CUBN: variants seen among roughly 807,000 people sequenced by gnomAD.
The protein encoded by CUBN is 460 kDa receptor.
Under a neutral mutation model 405.3 loss-of-function variants are expected in CUBN, and 282 were observed. The observed-to-expected ratio is 0.70, with a 90% CI of 0.63 to 0.77. The LOEUF is 0.77. Ranked by LOEUF, CUBN falls within the 30% of genes least tolerant of loss-of-function variation. The probability of loss-of-function intolerance (pLI) is 0.00; values close to 1 mark genes in which losing one functional copy is unlikely to be tolerated. For missense variants in CUBN, 4,514 were observed against 4,475.2 expected, an observed-to-expected ratio of 1.01 and a Z score of -0.25; for synonymous variants, 1,684 against 1,617.0, an observed-to-expected ratio of 1.04 and a Z score of -0.99.
intron 48 of CUBN, 78 bp downstream of exon 48, chr10:16,913,732 GT>G: frequency 6.4e-7 from 1 of 1,564,020 alleles, no homozygotes; most frequent in Non-Finnish European, 8.8e-7. Context: ...TCCTGACCTA[GT>G]TTTCTGACTA....
rs192163374 is a variant in CUBN at position 17,078,451 on chromosome 10, C to A, written c.2301+5820G>T. 2.8e-4 allele frequency among the ~76,000 whole-genome samples: 43 copies of A among 152,286 alleles called. 1 individual carries two copies. Among genetic ancestry groups the A allele is most frequent in the Admixed American group, 2.5e-3 (39 of 15,302 alleles). ...TACAGATGAGAATGAGCTAGCCATA[C>A]AAAGACCCTTGAGAAGCAAACTCAG... On this transcript the variant is annotated intron_variant, in intron 17 of 66. Coordinates refer to ENST00000377833, the MANE Select transcript of CUBN (RefSeq NM_001081.4).
chr10:17,029,586 T>C (rs1009408724), intron 27 of CUBN, among the ~76,000 whole-genome samples: 4 of 152,248 alleles, frequency 2.6e-5, no homozygotes, highest in Admixed American at 6.5e-5. Flanking sequence ...TCCCAGCTTT[T>C]ATGCATGTTT....
chr10:17,085,114 T>C (rs1421082603), intron 16 of CUBN, among the ~76,000 whole-genome samples: 1 of 152,244 alleles, frequency 6.6e-6, no homozygotes, highest in Non-Finnish European at 1.5e-5. Context: ...TTGTTGTTTG[T>C]TTGTTTTAAG....
intron 39 of CUBN, among the ~76,000 whole-genome samples, chr10:16,937,291 T>C (rs1347256527): frequency 6.6e-6 from 1 of 152,176 alleles, no homozygotes; most frequent in Non-Finnish European, 1.5e-5. Flanking sequence ...GTGTAGTATC[T>C]GCAAATCAAA....
At chr10:17,112,889 CT>C (rs1836803279) in intron 8 of CUBN, among the ~76,000 whole-genome samples, 1 of 152,152 alleles carries the variant, frequency 6.6e-6, no homozygotes, top group African/African-American at 2.4e-5. Flanking sequence ...GTGAGTAATA[CT>C]TATTTTTACC....
chr10:17,011,393 G>C (rs1422198855), intron 28 of CUBN, among the ~76,000 whole-genome samples: 4 of 152,086 alleles, frequency 2.6e-5, no homozygotes, highest in African/African-American at 7.2e-5. Flanking sequence ...CCTTCACCAT[G>C]AGTGTTACGG....
chr10:17,068,438 AATT>A (rs1450147035), intron 20 of CUBN, among the ~76,000 whole-genome samples, 158 bp from the exon 21 acceptor site: 214 of 146,288 alleles, frequency 1.5e-3, no homozygotes, highest in African/African-American at 5.6e-3. Flanking sequence ...AATAAGTAAC[AATT>A]AACTTTTGAT....
rs78685395 is a variant in CUBN, at chr10:17,099,476, T to C, written c.1765+529A>G. Among the ~76,000 whole-genome samples, 48 of 152,330 alleles carry C rather than the reference T, an allele frequency of 3.2e-4. No homozygotes were observed. In the East Asian group the frequency reaches 7.3e-3, roughly 23 times the overall value. On this transcript the variant is annotated intron_variant, in intron 14 of 66. Coordinates refer to ENST00000377833, the MANE Select transcript of CUBN (RefSeq NM_001081.4). Reference sequence around the variant, plus strand: ...GGGACCAACTAAGACTCATGTTTTTTAATCCCTTCTATTTCATGCTTATTT... The same window carrying C: ...GGGACCAACTAAGACTCATGTTTTTCAATCCCTTCTATTTCATGCTTATTT...
chr10:17,084,021 T>C (rs1266071412), intron 17 of CUBN, among the ~76,000 whole-genome samples: 1 of 152,218 alleles, frequency 6.6e-6, no homozygotes, highest in Non-Finnish European at 1.5e-5. Flanking sequence ...GGCAAATCCC[T>C]TCACTTCCCT....
intron 27 of CUBN, among the ~76,000 whole-genome samples, chr10:17,038,237 C>T (rs1834940555): frequency 6.6e-6 from 1 of 152,200 alleles, no homozygotes; most frequent in African/African-American, 2.4e-5. Flanking sequence ...TTTCTATATT[C>T]AATCACTCGT....
rs763817461 is a variant in CUBN, at chr10:16,841,075, T to C, written c.9664-28A>G. On this transcript the variant is annotated intron_variant, in intron 60 of 66. Transcript: ENST00000377833. ...GAGAAGAAAAACAATTCATTACTTC[T>C]CCATTACTTACAAAAAATTGCATAT... 14 of 1,610,274 alleles carry C rather than the reference T, an allele frequency of 8.7e-6. 1 individual carries two copies. The South Asian group carries it at 1.5e-4, about 18-fold the overall frequency.
intron 59 of CUBN, among the ~76,000 whole-genome samples, chr10:16,858,222 G>C (rs772090985): frequency 2.0e-5 from 3 of 152,120 alleles, no homozygotes; most frequent in Non-Finnish European, 4.4e-5. Context: ...AAAGACATCA[G>C]TTTTCCCCAA....
chr10:17,035,743 C>T (rs1834881826), intron 27 of CUBN, among the ~76,000 whole-genome samples: 1 of 151,838 alleles, frequency 6.6e-6, no homozygotes, highest in Admixed American at 6.6e-5. Flanking sequence ...AAACAGAAAA[C>T]CAAGTACTGC....
chr10:17,090,201 C>A (rs912993820), intron 14 of CUBN, among the ~76,000 whole-genome samples: 2 of 152,062 alleles, frequency 1.3e-5, no homozygotes, highest in Admixed American at 6.5e-5. Context: ...GCATACTATG[C>A]TCTGATTATG....
At chr10:16,837,089 C>T (rs1191488929) in intron 62 of CUBN, among the ~76,000 whole-genome samples, 3 of 151,946 alleles carry the variant, frequency 2.0e-5, no homozygotes, top group Non-Finnish European at 2.9e-5. Context: ...TGTAACTGCT[C>T]GGGGCTTCCA....
At chr10:16,863,263 G>A (rs1018926263) in intron 59 of CUBN, among the ~76,000 whole-genome samples, 1 of 152,196 alleles carries the variant, frequency 6.6e-6, no homozygotes, top group African/African-American at 2.4e-5. Flanking sequence ...AAGGTACAGG[G>A]CTTAAAAAGA....
chr10:16,997,420 T>G (rs1833765540), intron 28 of CUBN, among the ~76,000 whole-genome samples: 10 of 128,090 alleles, frequency 7.8e-5, no homozygotes, highest in South Asian at 2.6e-4. Flanking sequence ...GGCAACAGAG[T>G]GAGACTCCAT....
intron 27 of CUBN, among the ~76,000 whole-genome samples, chr10:17,039,318 T>A (rs540800818): frequency 6.6e-6 from 1 of 152,238 alleles, no homozygotes; most frequent in East Asian, 1.9e-4. Flanking sequence ...TTCTCATTCA[T>A]TAGTAGTTAT....
chr10:16,997,024 G>C (rs1057365744), intron 28 of CUBN, among the ~76,000 whole-genome samples: 10 of 152,180 alleles, frequency 6.6e-5, no homozygotes, highest in Admixed American at 4.6e-4. Context: ...TCATTAAAAT[G>C]CTCAATTTAT....
Sources: gnomAD v4.1 joint callset for allele counts (sites outside exome capture counted in the v4.1 genomes callset) on GRCh38, gnomAD v4.1.1 for gene constraint, MANE v1.5 for transcripts, NCBI Gene and HGNC (gene_info 2026-07-23, HGNC 2026-07-21) for gene names.